CDHR2: variants seen among roughly 807,000 people sequenced by gnomAD.
The protein encoded by CDHR2 is cadherin related family member 2.
A neutral mutation model predicts 138.6 loss-of-function variants in CDHR2; 104 were observed. The observed-to-expected ratio is 0.75, with a 90% confidence interval of 0.64 to 0.88. CDHR2 has a LOEUF of 0.88. Ranked by LOEUF, CDHR2 falls within the 40% of genes least tolerant of loss-of-function variation. CDHR2 has a pLI of 0.00. For synonymous variants in CDHR2, 755 were observed against 742.8 expected, an observed-to-expected ratio of 1.02 and a Z score of -0.27; for missense variants, 1,624 against 1,727.6, an observed-to-expected ratio of 0.94 and a Z score of 1.06.
At chr5:176,554,089 G>A (rs561299108) in intron 1 of CDHR2, among the ~76,000 whole-genome samples, 13 of 152,330 alleles carry the variant, frequency 8.5e-5, no homozygotes, top group African/African-American at 2.4e-4. Flanking sequence ...CAGCCCTGCC[G>A]TTCAGCATGT....
chr5:176,551,935 C>T (rs1377786044), intron 1 of CDHR2, among the ~76,000 whole-genome samples: 1 of 151,676 alleles, frequency 6.6e-6, no homozygotes, highest in Non-Finnish European at 1.5e-5. Context: ...AGGATGGTCT[C>T]GATCTCCTGA....
In CDHR2 at chr5:176,589,410, C is replaced by A. The variant is rs1333399935; in HGVS notation, c.3089C>A (p.Pro1030His). 6.3e-7 allele frequency: 1 copy of A among 1,584,436 alleles called. No homozygotes were observed. The highest frequency in any genetic ancestry group is 1.2e-5 in the South Asian group (1 of 85,544). The change falls in exon 23 of 32, where the codon CCT becomes CAT. Residue 1030 changes from proline to histidine, a missense_variant. Coordinates refer to ENST00000261944, the MANE Select transcript of CDHR2 (RefSeq NM_017675.6). ...VQARDRPSLG[P>H]FLEATTTLNL... is the part of the protein sequence containing the mutation. Reference sequence around the variant, plus strand: ...GCCAGGGACAGACCTTCCTTGGGTCCTTTCCTGGAAGCCACCACCACCCTG... The same window carrying A: ...GCCAGGGACAGACCTTCCTTGGGTCATTTCCTGGAAGCCACCACCACCCTG...
At chr5:176,551,771 G>T (rs1298304385) in intron 1 of CDHR2, among the ~76,000 whole-genome samples, 1 of 139,630 alleles carries the variant, frequency 7.2e-6, no homozygotes, top group Non-Finnish European at 1.5e-5. Flanking sequence ...GCGGCATCTC[G>T]GCTCACTGCA....
rs1359736791 is a variant in CDHR2 at position 176,576,608 on chromosome 5, G to A, written c.1194+423G>A. 2.7e-5 allele frequency among the ~76,000 whole-genome samples: 4 copies of A among 148,410 alleles called. No homozygotes were observed. The highest frequency in any genetic ancestry group is 7.5e-5 in the African/African-American group (3 of 40,190). ...TTTTTTTTTTTTGAGATGGAATTTC[G>A]CTCTGTCACCCAGGCTGGAGTGCAA... On this transcript the variant is annotated intron_variant, in intron 12 of 31. Coordinates refer to ENST00000261944, the MANE Select transcript of CDHR2 (RefSeq NM_017675.6). This position sits in a 1 kb window ranked among gnomAD's most constrained non-coding sequence, Gnocchi z 4.5.
intron 6 of CDHR2, among the ~76,000 whole-genome samples, chr5:176,572,668 T>C (rs1165861347): frequency 3.3e-5 from 5 of 152,132 alleles, no homozygotes; most frequent in Non-Finnish European, 5.9e-5. Flanking sequence ...TCCCTGATGG[T>C]CACTGGGCAG....
chr5:176,562,014 G>T (rs997910647), intron 1 of CDHR2, among the ~76,000 whole-genome samples: 2 of 152,096 alleles, frequency 1.3e-5, no homozygotes, highest in Non-Finnish European at 1.5e-5. Context: ...AAAGAGGGAC[G>T]GGCAGTAGTG....
At position 176,579,478 on chromosome 5, in the gene CDHR2, C is replaced by T. The variant is rs535733461; in HGVS notation, c.1818+870C>T. On this transcript the variant is annotated intron_variant, in intron 16 of 31. Coordinates refer to ENST00000261944, the MANE Select transcript of CDHR2 (RefSeq NM_017675.6). ...AAGCCTTGGCCTTTCCTCCTTCCTG[C>T]TTGGCACTTCTCCCCTGGTCTGTGA... Among the ~76,000 whole-genome samples the T allele has an allele frequency of 6.6e-5, 10 of 152,248 alleles. No individual in the cohort carries two copies. In the South Asian group the frequency reaches 1.9e-3, roughly 28 times the overall value.
chr5:176,565,374 T>G lies in CDHR2; in HGVS notation c.22T>G (p.Cys8Gly). ...TGTGATGGCCCAGCTATGGCTGTCCTGCTTCCTCCTTCCTGCCCTCGTGGT... is the reference window on the plus strand; with the variant it reads ...TGTGATGGCCCAGCTATGGCTGTCCGGCTTCCTCCTTCCTGCCCTCGTGGT... MAQLWLS[C>G]FLLPALVVSV... The change falls in exon 2 of 32, where the codon TGC (cysteine) becomes GGC (glycine). Residue 8 changes from cysteine to glycine, a missense_variant. Cys to Gly is a radical substitution (Grantham distance 159). This residue lies in a region of CDHR2 where 1,061 missense variants were observed against 1,136.6 expected (regional missense o/e 0.93). Transcript: ENST00000261944. 6.2e-7 allele frequency: 1 copy of G among 1,614,166 alleles called. No homozygotes were observed. The highest frequency in any genetic ancestry group is 8.5e-7 in the Non-Finnish European group (1 of 1,179,998).
At position 176,595,614 on chromosome 5, in the gene CDHR2, G is replaced by A. The variant is rs1759010630; in HGVS notation, c.3875G>A (p.Ser1292Asn). 1 of 1,612,744 alleles carries A rather than the reference G, an allele frequency of 6.2e-7. No homozygotes were observed. Among genetic ancestry groups the A allele is most frequent in the Non-Finnish European group, 8.5e-7 (1 of 1,179,292 alleles). Residue 1292 changes from serine (S) to asparagine (N), a missense_variant, in exon 32 of 32, where the codon AGT becomes AAT. Around this residue, in one of 3 missense-constraint regions of CDHR2, gnomAD observed 556 missense variants for 565.7 expected, o/e 0.98. Transcript: ENST00000261944. ...VVLLGRQAGA[S>N]GQLEGPSYTN... The stretch of plus-strand genomic sequence containing the variant: ...CTGTTAGGACGGCAGGCAGGCGCAA[G>A]TGGACAGCTGGAGGGGCCATCCTAC...
chr5:176,569,287 G>GTT lies in CDHR2; in HGVS notation c.315+290_315+291dup, dbSNP rs549604043. Among the ~76,000 whole-genome samples, 265 of 141,000 alleles carry GTT rather than the reference G, an allele frequency of 1.9e-3. 6 individuals carry two copies. The highest frequency in any genetic ancestry group is 2.5e-3 in the Non-Finnish European group (167 of 65,546). 92.5% of individuals were successfully genotyped at this position (141,000 alleles called of 152,430 possible). A position where few individuals can be genotyped will look rare whatever the true frequency, so the allele number is the denominator to read the frequency against. On this transcript the variant is annotated intron_variant, in intron 5 of 31. Coordinates refer to ENST00000261944, the MANE Select transcript of CDHR2 (RefSeq NM_017675.6). ...GTTATATTTTAATTGTAAATTAAAT[G>GTT]TTTTTTTTTTTTTTGAGACGGAGTC... is the stretch of plus-strand genomic sequence containing the variant.
In CDHR2 at chr5:176,584,547, G is replaced by A. The variant is rs377021257; in HGVS notation, c.2266G>A (p.Gly756Ser). 5.3e-5 allele frequency: 86 copies of A among 1,612,632 alleles called. No individual in the cohort carries two copies. Among genetic ancestry groups the A allele is most frequent in the Non-Finnish European group, 7.1e-5 (84 of 1,179,128 alleles). Residue 756 changes from glycine (G) to serine (S), a missense_variant, in exon 19 of 32, where the codon GGC becomes AGC. Physicochemically the swap from Gly to Ser is moderately conservative, Grantham distance 56. This residue lies in a region of CDHR2 where 1,061 missense variants were observed against 1,136.6 expected (regional missense o/e 0.93). Transcript: ENST00000261944. The part of the protein sequence containing the change: ...GLVLGAGWAE[G>S]YLRLPPDVSL... ...GGTGCTGGGGGCTGGGTGGGCTGAG[G>A]GCTACCTCCGGCTGCCCCCGGACGT...
At chr5:176,581,649 G>A in intron 17 of CDHR2, 67 bp downstream of exon 17, 1 of 1,584,528 alleles carries the variant, frequency 6.3e-7, no homozygotes, top group Non-Finnish European at 8.6e-7. Context: ...CCTCCAGCTT[G>A]AGTCACACTT....
chr5:176,546,738 T>C (rs1293481778), upstream of CDHR2, among the ~76,000 whole-genome samples: 1 of 99,226 alleles, frequency 1.0e-5, no homozygotes, highest in Non-Finnish European at 1.9e-5. Context: ...CTGGCCAACA[T>C]GGTGCTCAAA....
chr5:176,543,749 T>C lies in CDHR2; in HGVS notation c.-16+980T>C, dbSNP rs1027099568. ...AATAGCTGTCTGGGGTCAGCAGATCTTGGTTCCCCGCTTTGGGCCATTCTC... is the reference window on the plus strand; with the variant it reads ...AATAGCTGTCTGGGGTCAGCAGATCCTGGTTCCCCGCTTTGGGCCATTCTC... On this transcript the variant is annotated intron_variant, in intron 1 of 31. Transcript: ENST00000510636. This position sits in a 1 kb window ranked among gnomAD's most constrained non-coding sequence, Gnocchi z 4.0. 5.9e-5 allele frequency: 9 copies of C among 152,192 alleles called. No homozygotes were observed. The highest frequency in any genetic ancestry group is 2.2e-4 in the African/African-American group (9 of 41,442). The allele number at this position is 152,192 out of a possible 1,614,324, so 9.4% of individuals were successfully genotyped here. A position where few individuals can be genotyped will look rare whatever the true frequency, so the allele number is the denominator to read the frequency against.
intron 3 of CDHR2, chr5:176,566,843 C>A: frequency 2.3e-6 from 1 of 431,278 alleles, no homozygotes; most frequent in South Asian, 1.6e-5. Context: ...ATGTGGCCTT[C>A]ATTCTGGTTG....
intron 20 of CDHR2, 35 bp from the exon 21 acceptor site, chr5:176,586,758 G>A (rs561558447): frequency 1.5e-5 from 23 of 1,580,496 alleles, no homozygotes; most frequent in Admixed American, 1.3e-4. Context: ...GCAGTGTCCC[G>A]ACCCCGCTGA....
chr5:176,584,570 C>T lies in CDHR2; in HGVS notation c.2289C>T (p.Asp763=), dbSNP rs199659740. The T allele has an allele frequency of 1.1e-4, 176 of 1,610,530 alleles. No homozygotes were observed. In the African/African-American group the frequency reaches 1.7e-3, roughly 16 times the overall value. Residue 763 remains aspartate, a synonymous_variant, in exon 19 of 32, where the codon GAC becomes GAT. Coordinates refer to ENST00000261944, the MANE Select transcript of CDHR2 (RefSeq NM_017675.6). ...AGGGCTACCTCCGGCTGCCCCCGGA[C>T]GTGAGCCTGGATTACGAGACACAGC... The part of the protein sequence containing the change: ...WAEGYLRLPP[D]VSLDYETQPV...
At position 176,578,441 on chromosome 5, in the gene CDHR2, C is replaced by T. The variant is rs758093656; in HGVS notation, c.1651C>T (p.Gln551Ter). 88 of 1,613,816 alleles carry T rather than the reference C, an allele frequency of 5.5e-5. No homozygotes were observed. The highest frequency in any genetic ancestry group is 7.4e-5 in the Non-Finnish European group (87 of 1,179,878). ...CGGTGAGCTGCTGGACCGGGAGAGC[C>T]AGGCCGTGTACTACCTGACGCTGCA... ...RNGELLDRESQAVYYLTLQAT... is the reference protein window; with the variant it reads ...RNGELLDRES The change falls in exon 16 of 32, where the codon CAG (glutamine) becomes TAG (stop). Residue 551 changes from glutamine to a stop codon, truncating the protein, a stop_gained. Coordinates refer to ENST00000261944, the MANE Select transcript of CDHR2 (RefSeq NM_017675.6). LOFTEE classifies it high-confidence loss of function.
intron 30 of CDHR2, 155 bp downstream of exon 30, chr5:176,591,639 G>A: frequency 1.5e-6 from 1 of 646,892 alleles, no homozygotes; most frequent in South Asian, 1.7e-5. Flanking sequence ...GGTGATGGTA[G>A]TGAGGTGATG....
Sources: gnomAD v4.1 joint callset for allele counts (sites outside exome capture counted in the v4.1 genomes callset) on GRCh38, gnomAD v4.1.1 for gene constraint, gnomAD v4.1.1 regional missense constraint, Gnocchi (gnomAD v3.1) non-coding constraint, MANE v1.5 for transcripts, NCBI Gene and HGNC (gene_info 2026-07-23, HGNC 2026-07-21) for gene names.